Variants in MTHFD2L observed in about 807,000 individuals in gnomAD.
MTHFD2L encodes the protein methylenetetrahydrofolate dehydrogenase (NADP+ dependent) 2 like, also known as bifunctional methylenetetrahydrofolate dehydrogenase/cyclohydrolase 2, mitochondrial.
Under a neutral mutation model 34.9 loss-of-function variants are expected in MTHFD2L, and 29 were observed. The ratio of observed to expected loss-of-function variants is 0.83; its 90% CI spans 0.62 to 1.13. The LOEUF is 1.13. Ranked by LOEUF, MTHFD2L falls within the 50% of genes most tolerant of loss-of-function variation. The pLI, the probability that MTHFD2L is intolerant of heterozygous loss-of-function variation, is 0.00. For synonymous variants in MTHFD2L, 167 were observed against 155.7 expected (o/e 1.07, Z -0.54); for missense variants, 481 against 446.5 (o/e 1.08, Z -0.70).
chr4:74,166,720 G>T (rs1404827989), intron 1 of MTHFD2L, among the ~76,000 whole-genome samples: 2 of 152,044 alleles, frequency 1.3e-5, no homozygotes, highest in African/African-American at 4.8e-5. Flanking sequence ...CTGCACTAAT[G>T]CCAGGGCAGC....
At chr4:74,210,074 G>C (rs1456715491) in intron 5 of MTHFD2L, among the ~76,000 whole-genome samples, 2 of 151,986 alleles carry the variant, frequency 1.3e-5, no homozygotes, top group South Asian at 4.1e-4. Context: ...TAAGTTTCTT[G>C]TAGATTCCAG....
At chr4:74,275,706 CT>C (rs879928046) in intron 6 of MTHFD2L, among the ~76,000 whole-genome samples, 122 of 145,096 alleles carry the variant, frequency 8.4e-4, no homozygotes, top group Non-Finnish European at 8.5e-4. Flanking sequence ...TGATGTTGAG[CT>C]TTTTTTTTTT....
chr4:74,159,655 T>C (rs575030047), intron 1 of MTHFD2L, among the ~76,000 whole-genome samples: 3 of 152,300 alleles, frequency 2.0e-5, no homozygotes, highest in African/African-American at 7.2e-5. Flanking sequence ...TGTAGCCCCT[T>C]GCTTTGTACA....
intron 5 of MTHFD2L, among the ~76,000 whole-genome samples, chr4:74,215,258 G>A (rs1737011637): frequency 1.3e-5 from 2 of 151,780 alleles, no homozygotes; most frequent in Non-Finnish European, 2.9e-5. Flanking sequence ...AAAAACTCCT[G>A]CAGCTAGCTT....
chr4:74,274,889 G>A (rs1746416153), intron 6 of MTHFD2L, among the ~76,000 whole-genome samples: 2 of 152,076 alleles, frequency 1.3e-5, no homozygotes, highest in South Asian at 2.1e-4. Context: ...GTTAGGGTGT[G>A]GGGGCAAAGT....
At chr4:74,157,565 G>A (rs1724382957), upstream of MTHFD2L, 2 of 417,660 alleles carry the variant, frequency 4.8e-6, no homozygotes, top group Admixed American at 2.6e-5. Flanking sequence ...AAGTGGAGAT[G>A]ATAAAGTAGA....
chr4:74,161,080 G>A (rs1048175226), intron 1 of MTHFD2L: 8 of 152,006 alleles, frequency 5.3e-5, no homozygotes, highest in Non-Finnish European at 1.0e-4. Flanking sequence ...TAAAAAAATT[G>A]TGTACTGCCT....
chr4:74,178,269 A>T (rs1285244315), intron 3 of MTHFD2L, among the ~76,000 whole-genome samples: 2 of 152,076 alleles, frequency 1.3e-5, no homozygotes, highest in Non-Finnish European at 2.9e-5. Context: ...ACATATCTTG[A>T]CTTAGCTGTT....
At chr4:74,299,236 A>G (rs986671516) in intron 7 of MTHFD2L, among the ~76,000 whole-genome samples, 1 of 151,886 alleles carries the variant, frequency 6.6e-6, no homozygotes, top group Non-Finnish European at 1.5e-5. Context: ...TTCAATTTGC[A>G]CTTGATTTTT....
chr4:74,226,882 A>G (rs1009077781), intron 6 of MTHFD2L, among the ~76,000 whole-genome samples: 4 of 152,206 alleles, frequency 2.6e-5, no homozygotes, highest in African/African-American at 9.7e-5. Context: ...CCAGATAATG[A>G]TAAGTGCTAT....
intron 6 of MTHFD2L, among the ~76,000 whole-genome samples, chr4:74,254,963 C>T (rs1244407457): frequency 4.0e-5 from 6 of 151,596 alleles, no homozygotes; most frequent in Admixed American, 6.6e-5. Flanking sequence ...GGTAAAACCC[C>T]ATCTCTACTA....
chr4:74,185,515 A>T (rs1381397579), intron 3 of MTHFD2L, among the ~76,000 whole-genome samples: 1 of 152,174 alleles, frequency 6.6e-6, no homozygotes, highest in Non-Finnish European at 1.5e-5. Flanking sequence ...TAGAAAATTC[A>T]TAAAAATCAG....
At chr4:74,225,892 G>A (rs1216494306) in intron 6 of MTHFD2L, among the ~76,000 whole-genome samples, 1 of 152,076 alleles carries the variant, frequency 6.6e-6, no homozygotes. Flanking sequence ...CCAAAGGAGA[G>A]TATCTAGGAT....
intron 3 of MTHFD2L, among the ~76,000 whole-genome samples, chr4:74,181,180 T>C (rs529672946): frequency 6.6e-6 from 1 of 152,242 alleles, no homozygotes; most frequent in South Asian, 2.1e-4. Flanking sequence ...GTGAATTTGA[T>C]TTAAGAGGGT....
In MTHFD2L at chr4:74,158,126, G is replaced by A; in HGVS notation, c.-13G>A. ...AGGTGGAGCCCCAGTCCGGAAGCCG[G>A]GGATCCGCGGCCATGACGGTGCCGG... On this transcript the variant is annotated 5_prime_UTR_variant, in exon 1 of 8. Transcript: ENST00000325278. 3 of 1,530,452 alleles carry A rather than the reference G, an allele frequency of 2.0e-6. No homozygotes were observed. Among genetic ancestry groups the A allele is most frequent in the Non-Finnish European group, 1.8e-6 (2 of 1,141,616 alleles). 94.8% of individuals were successfully genotyped at this position (1,530,452 alleles called of 1,614,324 possible). A position where few individuals can be genotyped will look rare whatever the true frequency, so the allele number is the denominator to read the frequency against.
chr4:74,271,800 G>A (rs934504932), intron 6 of MTHFD2L, among the ~76,000 whole-genome samples: 1 of 152,168 alleles, frequency 6.6e-6, no homozygotes, highest in Non-Finnish European at 1.5e-5. Flanking sequence ...TCCTATCCAT[G>A]AGCATGGAAT....
At chr4:74,150,250 T>C (rs1300328192) in intron 1 of MTHFD2L, among the ~76,000 whole-genome samples, 1 of 152,162 alleles carries the variant, frequency 6.6e-6, no homozygotes, top group Non-Finnish European at 1.5e-5. Context: ...CCATAAGTTT[T>C]TGTTGTTGTT....
intron 1 of MTHFD2L, chr4:74,161,171 A>T (rs533572004): frequency 5.3e-5 from 8 of 152,330 alleles, no homozygotes; most frequent in South Asian, 2.1e-4. Context: ...ACCACATTTT[A>T]AAAAAATCTA....
intron 1 of MTHFD2L, among the ~76,000 whole-genome samples, chr4:74,165,630 A>C (rs377715642): frequency 6.6e-6 from 1 of 152,228 alleles, no homozygotes; most frequent in Non-Finnish European, 1.5e-5. Flanking sequence ...TGCTGGAATT[A>C]CAGGCGTGAG....
Sources: gnomAD v4.1 joint callset for allele counts (sites outside exome capture counted in the v4.1 genomes callset) on GRCh38, gnomAD v4.1.1 for gene constraint, MANE v1.5 for transcripts, NCBI Gene and HGNC (gene_info 2026-07-23, HGNC 2026-07-21) for gene names.